LAMA1: variants seen among roughly 807,000 people sequenced by gnomAD.
LAMA1 encodes laminin subunit alpha-1.
In LAMA1, 219 loss-of-function variants were observed where a neutral mutation model predicts 348.7. That is an observed-to-expected ratio of 0.63 (90% CI 0.56 to 0.70). LAMA1 has a LOEUF of 0.70. LAMA1 is among the 30% of genes least tolerant of loss of function. The pLI is 0.00. For missense variants in LAMA1, 3,744 were observed against 3,888.0 expected (o/e 0.96, Z 0.99); for synonymous variants, 1,487 against 1,491.0 (o/e 1.00, Z 0.06).
At chr18:7,066,238 A>G (rs1404227596) in intron 3 of LAMA1, among the ~76,000 whole-genome samples, 1 of 152,252 alleles carries the variant, frequency 6.6e-6, no homozygotes, top group African/African-American at 2.4e-5. Flanking sequence ...CATATTCGTG[A>G]ATGACGTGGA....
chr18:7,070,031 T>A (rs960733281), intron 3 of LAMA1, among the ~76,000 whole-genome samples: 2 of 152,178 alleles, frequency 1.3e-5, no homozygotes, highest in Non-Finnish European at 2.9e-5. Context: ...TAAAACGAGA[T>A]AATGAAAATG....
chr18:7,083,176 A>T (rs1168418708), intron 1 of LAMA1, among the ~76,000 whole-genome samples: 2 of 148,040 alleles, frequency 1.4e-5, no homozygotes, highest in African/African-American at 2.5e-5. Context: ...GGCTGTTCTA[A>T]ATATATATAT....
chr18:7,079,748 C>A, intron 3 of LAMA1: 1 of 561,344 alleles, frequency 1.8e-6, no homozygotes, highest in East Asian at 3.1e-5. Context: ...GAACATCAAC[C>A]ATATGGAAGC....
At chr18:7,018,366 TAA>T (rs2057898985) in intron 19 of LAMA1, among the ~76,000 whole-genome samples, 1 of 138,044 alleles carries the variant, frequency 7.2e-6, no homozygotes. Context: ...AAAGAACATT[TAA>T]TATGTTGCCT....
intron 15 of LAMA1, 29 bp downstream of exon 15, chr18:7,032,954 AG>A (rs762567603): frequency 6.6e-7 from 1 of 1,522,364 alleles, no homozygotes; most frequent in African/African-American, 1.4e-5. Flanking sequence ...AAGGAACGAA[AG>A]GAAAAAGACA....
At chr18:6,951,610 G>A (rs190366218) in intron 57 of LAMA1, among the ~76,000 whole-genome samples, 1 of 152,306 alleles carries the variant, frequency 6.6e-6, no homozygotes, top group East Asian at 1.9e-4. Context: ...GGGAGTGGCC[G>A]AGAATTCCTT....
chr18:7,093,624 T>A (rs1479428807), intron 1 of LAMA1, among the ~76,000 whole-genome samples: 2 of 152,082 alleles, frequency 1.3e-5, no homozygotes, highest in African/African-American at 4.8e-5. Context: ...AGAACAGCAC[T>A]AGGAAAAATG....
Position 6,982,555 on chromosome 18 carries a change from G to A in LAMA1, c.5832C>T (p.Ala1944=), listed in dbSNP as rs530014646. The change falls in exon 41 of 63, where the codon GCC becomes GCT. Residue 1944 remains alanine (A), a synonymous_variant. Coordinates refer to ENST00000389658, the MANE Select transcript of LAMA1 (RefSeq NM_005559.4). ...TTAGAAATCTGGAGCTGCGCTGCACGGCCGCTTTCCCGTTAGAAACAAGGG... is the reference window on the plus strand; with the variant it reads ...TTAGAAATCTGGAGCTGCGCTGCACAGCCGCTTTCCCGTTAGAAACAAGGG... The part of the protein sequence containing the change: ...SESLVSNGKA[A]VQRSSRFLKE... The A allele has an allele frequency of 2.7e-4, 437 of 1,614,108 alleles. 1 individual carries two copies. In the South Asian group the frequency reaches 4.3e-3, roughly 16 times the overall value.
At chr18:7,010,066 C>G in intron 26 of LAMA1, 134 bp downstream of exon 26, 3 of 996,780 alleles carry the variant, frequency 3.0e-6, no homozygotes, top group Non-Finnish European at 4.6e-6. Context: ...CTCGGCTTCT[C>G]AAAGTGGTGG....
chr18:7,095,468 T>C (rs185245257), intron 1 of LAMA1, among the ~76,000 whole-genome samples: 39 of 152,326 alleles, frequency 2.6e-4, no homozygotes, highest in African/African-American at 9.1e-4. Context: ...TGGTTGCACT[T>C]TCTACCCCTT....
At position 6,985,401 on chromosome 18, in the gene LAMA1, C is replaced by T. The variant is rs768205050; in HGVS notation, c.5497-1G>A. The T allele has an allele frequency of 3.1e-6, 5 of 1,614,122 alleles. No homozygotes were observed. Among genetic ancestry groups the T allele is most frequent in the Non-Finnish European group, 4.2e-6 (5 of 1,179,982 alleles). ...GCTTATCCTGGTGATCCTCTAAGTG[C>T]TACATGGAGAAATTAATATTGTAAA... On this transcript the variant is annotated splice_acceptor_variant, in intron 38 of 62. Transcript: ENST00000389658. LOFTEE classifies it high-confidence loss of function.
intron 56 of LAMA1, chr18:6,956,365 T>C (rs112733464): frequency 4.1e-4 from 251 of 605,396 alleles, no homozygotes; most frequent in African/African-American, 4.0e-3. Context: ...TGAGTCCTTA[T>C]AGAAGCTCTG....
Position 7,024,470 on chromosome 18 carries a change from T to C in LAMA1, c.2403-4A>G. 6.2e-7 allele frequency: 1 copy of C among 1,612,796 alleles called. No homozygotes were observed. The highest frequency in any genetic ancestry group is 8.5e-7 in the Non-Finnish European group (1 of 1,179,134). On this transcript the variant is annotated splice_polypyrimidine_tract_variant and splice_region_variant and intron_variant, in intron 17 of 62. Transcript: ENST00000389658. ...GAGGTGGCAGGTGGGGCTGAAACTG[T>C]CAAAACATTAGAAATGAACAAAATT...
chr18:7,061,985 G>T (rs28725323), intron 3 of LAMA1, among the ~76,000 whole-genome samples: 6 of 152,090 alleles, frequency 3.9e-5, no homozygotes, highest in Non-Finnish European at 7.4e-5. Context: ...TGGGGGAGGG[G>T]TGAGCAAAGG....
At chr18:7,113,353 G>A (rs2058343225) in intron 1 of LAMA1, among the ~76,000 whole-genome samples, 1 of 152,196 alleles carries the variant, frequency 6.6e-6, no homozygotes, top group African/African-American at 2.4e-5. Context: ...CAGGCCAGCT[G>A]GGGTCCCAGC....
intron 1 of LAMA1, among the ~76,000 whole-genome samples, chr18:7,113,999 C>T (rs1045592626): frequency 2.0e-5 from 3 of 151,260 alleles, no homozygotes; most frequent in African/African-American, 7.3e-5. Flanking sequence ...ATGGCGTGAA[C>T]CTGGGAGGCG....
intron 42 of LAMA1, 117 bp from the exon 43 acceptor site, chr18:6,978,495 G>T: frequency 1.0e-6 from 1 of 986,028 alleles, no homozygotes; most frequent in Non-Finnish European, 1.5e-6. Context: ...TACTGATGCT[G>T]AACACAAACT....
chr18:7,109,869 T>C (rs2058328725), intron 1 of LAMA1, among the ~76,000 whole-genome samples: 1 of 152,062 alleles, frequency 6.6e-6, no homozygotes, highest in South Asian at 2.1e-4. Flanking sequence ...GGACACGAGC[T>C]AGCATCACAG....
chr18:6,991,853 A>G (rs149601371), intron 36 of LAMA1, among the ~76,000 whole-genome samples: 2 of 152,378 alleles, frequency 1.3e-5, no homozygotes, highest in East Asian at 3.9e-4. Flanking sequence ...CAAAATATTA[A>G]AGTTTAAATA....
Sources: allele counts gnomAD v4.1 joint callset (sites outside exome capture counted in the v4.1 genomes callset), GRCh38; gene constraint gnomAD v4.1.1; transcripts MANE v1.5; gene names NCBI Gene and HGNC (gene_info 2026-07-23, HGNC 2026-07-21).